ELMO1: variants seen among roughly 807,000 people sequenced by gnomAD.
ELMO1 encodes engulfment and cell motility 1.
ELMO1 carries 26 observed loss-of-function variants against 98.9 expected under a neutral mutation model. That is an observed-to-expected ratio of 0.26 (90% CI 0.19 to 0.36). The LOEUF (loss-of-function observed/expected upper bound fraction) is 0.36, where lower values mean the gene tolerates loss of function less well. ELMO1 is among the 10% of genes least tolerant of loss of function. ELMO1 has a pLI of 1.00. For missense variants in ELMO1, 627 were observed against 935.2 expected (o/e 0.67, Z 4.30); for synonymous variants, 346 against 346.0 (o/e 1.00, Z 0.00).
At chr7:36,953,594 C>T (rs1788180071) in intron 16 of ELMO1, among the ~76,000 whole-genome samples, 2 of 152,032 alleles carry the variant, frequency 1.3e-5, no homozygotes. Context: ...TTTTAATCTT[C>T]TTAGTGTAAC....
intron 2 of ELMO1, among the ~76,000 whole-genome samples, chr7:37,321,610 G>C (rs537564719): frequency 1.3e-5 from 2 of 149,964 alleles, no homozygotes; most frequent in Non-Finnish European, 3.0e-5. Flanking sequence ...CCAGCTACTC[G>C]GGAGGCTGAG....
At chr7:36,874,882 A>G (rs1229464228) in intron 19 of ELMO1, among the ~76,000 whole-genome samples, 1 of 152,234 alleles carries the variant, frequency 6.6e-6, no homozygotes, top group Non-Finnish European at 1.5e-5. Context: ...CCTGACAAAG[A>G]AAAGGAATAC....
intron 1 of ELMO1, among the ~76,000 whole-genome samples, chr7:37,380,134 T>C (rs1802524793): frequency 6.6e-6 from 1 of 152,208 alleles, no homozygotes; most frequent in South Asian, 2.1e-4. Flanking sequence ...GTCCTTCCCC[T>C]CTTCCAAGAT....
chr7:37,161,905 A>AATACATATATATAT (rs1789229131), intron 13 of ELMO1, among the ~76,000 whole-genome samples: 1 of 42,380 alleles, frequency 2.4e-5, no homozygotes, highest in Non-Finnish European at 5.1e-5. Context: ...CAGGTAATCA[A>AATACATATATATAT]ATATATATAT....
intron 6 of ELMO1, among the ~76,000 whole-genome samples, chr7:37,251,502 C>T (rs758916928): frequency 3.9e-4 from 60 of 152,190 alleles, no homozygotes; most frequent in Admixed American, 1.6e-3. Flanking sequence ...CTTTTAAAAG[C>T]CCAGCCTTGT....
At chr7:37,039,664 A>G (rs1795390441) in intron 15 of ELMO1, among the ~76,000 whole-genome samples, 1 of 151,972 alleles carries the variant, frequency 6.6e-6, no homozygotes, top group Non-Finnish European at 1.5e-5. Context: ...TCAGGGGAAA[A>G]TTTTCTTTTT....
chr7:37,322,060 A>G lies in ELMO1; in HGVS notation c.79-6100T>C, dbSNP rs575039836. On this transcript the variant is annotated intron_variant, in intron 2 of 21. Transcript: ENST00000310758. ...TTTTTAGTAGAGACGGGGTTTCACTATGTTGGCCAGACTGGTCTCGAACTC... is the reference window on the plus strand; with the variant it reads ...TTTTTAGTAGAGACGGGGTTTCACTGTGTTGGCCAGACTGGTCTCGAACTC... 1.2e-4 allele frequency among the ~76,000 whole-genome samples: 18 copies of G among 151,712 alleles called. 1 individual carries two copies. The Middle Eastern group carries it at 0.01, about 86-fold the overall frequency.
At chr7:36,897,254 CT>C (rs1295998613) in intron 16 of ELMO1, among the ~76,000 whole-genome samples, 1 of 151,592 alleles carries the variant, frequency 6.6e-6, no homozygotes, top group Non-Finnish European at 1.5e-5. Flanking sequence ...AGCTGTGAGA[CT>C]ATGTCCCTTC....
At chr7:36,898,877 G>A (rs1806259688) in intron 16 of ELMO1, among the ~76,000 whole-genome samples, 1 of 152,204 alleles carries the variant, frequency 6.6e-6, no homozygotes, top group Admixed American at 6.5e-5. Context: ...CTCACCCAAG[G>A]GAAGACGCGA....
chr7:36,945,129 C>T (rs948071830), intron 16 of ELMO1, among the ~76,000 whole-genome samples: 19 of 152,170 alleles, frequency 1.2e-4, no homozygotes, highest in Admixed American at 3.3e-4. Context: ...ATTTCCTATT[C>T]CAGTTCTCAA....
chr7:37,246,909 C>T (rs1431676628), intron 6 of ELMO1, among the ~76,000 whole-genome samples: 1 of 151,198 alleles, frequency 6.6e-6, no homozygotes, highest in East Asian at 1.9e-4. Flanking sequence ...TCCTGTCTGG[C>T]AGTGATTTAA....
chr7:37,262,387 T>A (rs376887816), intron 5 of ELMO1, among the ~76,000 whole-genome samples: 19 of 152,014 alleles, frequency 1.2e-4, no homozygotes, highest in African/African-American at 4.6e-4. Flanking sequence ...AGCCAAGGAG[T>A]CACTCCCAGT....
intron 1 of ELMO1, among the ~76,000 whole-genome samples, chr7:37,424,963 G>A (rs992091214): frequency 6.6e-6 from 1 of 152,122 alleles, no homozygotes; most frequent in South Asian, 2.1e-4. Context: ...TTGAGGCTGT[G>A]TTATCACTGC....
At chr7:37,339,826 A>G (rs888368541) in intron 2 of ELMO1, among the ~76,000 whole-genome samples, 16 of 151,884 alleles carry the variant, frequency 1.1e-4, no homozygotes, top group African/African-American at 3.9e-4. Context: ...CAGAATAATT[A>G]TCAAGAATTA....
intron 15 of ELMO1, among the ~76,000 whole-genome samples, chr7:37,071,705 C>T (rs535196480): frequency 1.3e-5 from 2 of 152,244 alleles, no homozygotes; most frequent in African/African-American, 4.8e-5. Context: ...AAAAACAAAA[C>T]TCATGCTACC....
intron 15 of ELMO1, among the ~76,000 whole-genome samples, chr7:37,030,964 C>T (rs956452055): frequency 1.4e-4 from 21 of 152,154 alleles, no homozygotes; most frequent in Non-Finnish European, 3.1e-4. Context: ...AAACATAACT[C>T]CTATTCTTTA....
intron 4 of ELMO1, among the ~76,000 whole-genome samples, chr7:37,280,718 T>C (rs1797090948): frequency 6.6e-6 from 1 of 151,856 alleles, no homozygotes; most frequent in Non-Finnish European, 1.5e-5. Flanking sequence ...TTGGCATGGA[T>C]GTGGTAAACA....
chr7:37,088,043 T>C (rs1217752166), intron 15 of ELMO1, among the ~76,000 whole-genome samples: 2 of 152,138 alleles, frequency 1.3e-5, no homozygotes, highest in Non-Finnish European at 2.9e-5. Flanking sequence ...TTTCAACAGG[T>C]CTGTATCTCT....
intron 13 of ELMO1, among the ~76,000 whole-genome samples, chr7:37,173,130 A>G (rs886528655): frequency 6.6e-6 from 1 of 152,260 alleles, no homozygotes; most frequent in African/African-American, 2.4e-5. Context: ...TAAAATGTTT[A>G]TAAATGGATT....
Sources: gnomAD v4.1 joint callset for allele counts (sites outside exome capture counted in the v4.1 genomes callset) on GRCh38, gnomAD v4.1.1 for gene constraint, MANE v1.5 for transcripts, NCBI Gene and HGNC (gene_info 2026-07-23, HGNC 2026-07-21) for gene names.